The following PNPLA6 variants were observed in gnomAD, a reference collection of about 807,000 sequenced individuals.
The protein encoded by PNPLA6 is patatin like domain 6, lysophospholipase.
A neutral mutation model predicts 153.7 loss-of-function variants in PNPLA6; 105 were observed. The observed-to-expected ratio is 0.68, with a 90% CI of 0.58 to 0.80. The LOEUF (loss-of-function observed/expected upper bound fraction) is 0.80. Ranked by LOEUF, PNPLA6 falls within the 30% of genes least tolerant of loss-of-function variation. The pLI, the probability that PNPLA6 is intolerant of heterozygous loss-of-function variation, is 0.00. For synonymous variants in PNPLA6, 825 were observed against 822.2 expected (o/e 1.00, Z -0.06); for missense variants, 1,423 against 1,919.3 (o/e 0.74, Z 4.83).
In PNPLA6 at chr19:7,554,240, C is replaced by G; in HGVS notation, c.2433C>G (p.Ile811Met). 2 of 1,614,142 alleles carry G rather than the reference C, an allele frequency of 1.2e-6. No homozygotes were observed. Among genetic ancestry groups the G allele is most frequent in the Non-Finnish European group, 1.7e-6 (2 of 1,179,980 alleles). The change falls in exon 20 of 32, where the codon ATC (isoleucine) becomes ATG (methionine). Residue 811 changes from isoleucine to methionine, a missense_variant. Physicochemically the swap from Ile to Met is conservative, Grantham distance 10 (BLOSUM62 1). Around this residue, in one of 10 missense-constraint regions of PNPLA6, gnomAD observed 643 missense variants for 835.2 expected, o/e 0.77. Transcript: ENST00000600737. ...CGCTACTCCTTAACAGTGACATCAT[C>G]CGGGCACGCCTGGGGGCCTCCGCAC... is the stretch of plus-strand genomic sequence containing the variant. ...GPTLLLNSDI[I>M]RARLGASALD...
chr19:7,560,852 C>A, intron 29 of PNPLA6, 88 bp downstream of exon 29: 1 of 924,808 alleles, frequency 1.1e-6, no homozygotes, highest in Non-Finnish European at 1.8e-6. Context: ...CCTCAGATGA[C>A]CCCACATGTC....
At chr19:7,560,382 C>T (rs1035709688) in intron 28 of PNPLA6, among the ~76,000 whole-genome samples, 3 of 152,130 alleles carry the variant, frequency 2.0e-5, no homozygotes, top group African/African-American at 7.2e-5. Flanking sequence ...GCTCACACAT[C>T]ACCACCTTGT....
intron 13 of PNPLA6, among the ~76,000 whole-genome samples, chr19:7,545,153 C>T (rs541971766): frequency 2.0e-5 from 3 of 152,122 alleles, no homozygotes; most frequent in African/African-American, 4.8e-5. Flanking sequence ...CAGCCTCCCT[C>T]GAAGCTGGGA....
chr19:7,541,009 G>C lies in PNPLA6; in HGVS notation c.882G>C (p.Ala294=). The change falls in exon 7 of 32, where the codon GCG becomes GCC. Residue 294 remains alanine, a synonymous_variant. Transcript: ENST00000600737. The surrounding 1 kb of genome is among the most constrained non-coding windows in gnomAD (Gnocchi z 5.2). ...VLRLPVEAFS[A]VFTKYPESLV... ...GCCTGCCGGTGGAAGCATTCTCCGC[G>C]GTCTTCACCAAGTACCCGGAGAGCT... is the stretch of plus-strand genomic sequence containing the variant. The C allele has an allele frequency of 6.2e-7, 1 of 1,611,036 alleles. No homozygotes were observed. Among genetic ancestry groups the C allele is most frequent in the Non-Finnish European group, 8.5e-7 (1 of 1,179,234 alleles).
At position 7,541,475 on chromosome 19, in the gene PNPLA6, C is replaced by T. The variant is rs1178764478; in HGVS notation, c.1005+41C>T. The T allele has an allele frequency of 5.6e-6, 9 of 1,611,692 alleles. No homozygotes were observed. The African/African-American group carries it at 1.1e-4, about 19-fold the overall frequency. The stretch of plus-strand genomic sequence containing the variant: ...GGAGCGAGCACAGGGGGGATGGGGG[C>T]GAGGTCTCCCTCCCAGGACAGGCCA... On this transcript the variant is annotated intron_variant, in intron 8 of 31. Coordinates refer to ENST00000600737, the MANE Select transcript of PNPLA6 (RefSeq NM_001166114.2). The surrounding 1 kb of genome is among the most constrained non-coding windows in gnomAD (Gnocchi z 5.2).
At chr19:7,547,587 C>T (rs1340604593) in intron 13 of PNPLA6, among the ~76,000 whole-genome samples, 1 of 151,314 alleles carries the variant, frequency 6.6e-6, no homozygotes, top group Non-Finnish European at 1.5e-5. Context: ...AGCGATCCTT[C>T]TGCCTTGGCC....
intron 15 of PNPLA6, 35 bp downstream of exon 15, chr19:7,550,464 A>C: frequency 6.2e-7 from 1 of 1,612,302 alleles, no homozygotes; most frequent in Non-Finnish European, 8.5e-7. Context: ...GGCCCGGCCT[A>C]GGGGTGGGGA....
chr19:7,541,215 G>A lies in PNPLA6; in HGVS notation c.925-139G>A. ...GCAGCCGCGGACTCCTCCCTTAGCT[G>A]CCTCGCCCCATTTCCCCAGACTGTG... On this transcript the variant is annotated intron_variant, in intron 7 of 31. Coordinates refer to ENST00000600737, the MANE Select transcript of PNPLA6 (RefSeq NM_001166114.2). This position sits in a 1 kb window ranked among gnomAD's most constrained non-coding sequence, Gnocchi z 5.2. 2 of 1,091,940 alleles carry A rather than the reference G, an allele frequency of 1.8e-6. No individual in the cohort carries two copies. The highest frequency in any genetic ancestry group is 2.7e-6 in the Non-Finnish European group (2 of 736,280). The allele number at this position is 1,091,940 out of a possible 1,614,324, so 67.6% of individuals were successfully genotyped here.
At chr19:7,538,334 C>A (rs1323074066) in intron 3 of PNPLA6, among the ~76,000 whole-genome samples, 1 of 152,064 alleles carries the variant, frequency 6.6e-6, no homozygotes, top group Non-Finnish European at 1.5e-5. Context: ...GCATGCACCA[C>A]CATGCCTGGC....
chr19:7,548,611 G>A (rs1269979740), intron 13 of PNPLA6, among the ~76,000 whole-genome samples: 2 of 151,712 alleles, frequency 1.3e-5, no homozygotes, highest in Non-Finnish European at 2.9e-5. Context: ...AGGGAAAAAC[G>A]GGGAAAATAG....
Position 7,540,239 on chromosome 19 carries a change from G to A in PNPLA6, c.645G>A (p.Arg215=). ...QRLGQGDYVF[R]PGQPDASIYV... ...TGGGCCAGGGTGACTACGTCTTCCG[G>A]CCGGGCCAGCCAGATGCCAGCATCT... Residue 215 remains arginine (R), a synonymous_variant, in exon 5 of 32, where the codon CGG becomes CGA. Coordinates refer to ENST00000600737, the MANE Select transcript of PNPLA6 (RefSeq NM_001166114.2). This position sits in a 1 kb window ranked among gnomAD's most constrained non-coding sequence, Gnocchi z 6.8. The A allele has an allele frequency of 6.2e-7, 1 of 1,609,252 alleles. No homozygotes were observed. The highest frequency in any genetic ancestry group is 8.5e-7 in the Non-Finnish European group (1 of 1,179,982).
rs753983870 is a variant in PNPLA6, at chr19:7,541,026, C to T, written c.899C>T (p.Pro300Leu). 4.3e-6 allele frequency: 7 copies of T among 1,610,500 alleles called. No homozygotes were observed. Among genetic ancestry groups the T allele is most frequent in the Admixed American group, 1.7e-5 (1 of 59,724 alleles). The change falls in exon 7 of 32, where the codon CCG becomes CTG. Residue 300 changes from proline to leucine, a missense_variant. By Grantham distance (98) the Pro-to-Leu change is moderately conservative (BLOSUM62 -3). This residue lies in a region of PNPLA6 where 118 missense variants were observed against 158.8 expected (regional missense o/e 0.74). Transcript: ENST00000600737. The surrounding 1 kb of genome is among the most constrained non-coding windows in gnomAD (Gnocchi z 5.2). ...EAFSAVFTKY[P>L]ESLVRVVQII... ...TTCTCCGCGGTCTTCACCAAGTACC[C>T]GGAGAGCTTGGTGCGGGTCGTGCAG...
rs1325891999 is a variant in PNPLA6 at position 7,555,111 on chromosome 19, T to C, written c.2817+36T>C. On this transcript the variant is annotated intron_variant, in intron 22 of 31. Transcript: ENST00000600737. The surrounding 1 kb of genome is among the most constrained non-coding windows in gnomAD (Gnocchi z 6.3). ...GGCCGGCCCCCACCTTCTAGGGGCG[T>C]GGCTGGTGGGCGAGGCTTGGGAGAC... 6.3e-7 allele frequency: 1 copy of C among 1,581,550 alleles called. No individual in the cohort carries two copies. The highest frequency in any genetic ancestry group is 1.3e-5 in the African/African-American group (1 of 74,662).
At position 7,556,737 on chromosome 19, in the gene PNPLA6, G is replaced by A. The variant is rs750000354; in HGVS notation, c.3280+13G>A. ...GTCCACAAAGATGGTGGGTGTCCCC[G>A]CCCAGCCTGCAGCAACCGCTGACGC... is the stretch of plus-strand genomic sequence containing the variant. On this transcript the variant is annotated intron_variant, in intron 26 of 31. Transcript: ENST00000600737. 4 of 1,598,104 alleles carry A rather than the reference G, an allele frequency of 2.5e-6. No homozygotes were observed. In the South Asian group the frequency reaches 3.3e-5, roughly 13 times the overall value.
At chr19:7,545,660 C>T (rs1440596107) in intron 13 of PNPLA6, among the ~76,000 whole-genome samples, 3 of 151,984 alleles carry the variant, frequency 2.0e-5, no homozygotes, top group Admixed American at 1.3e-4. Flanking sequence ...GCCTGTAATC[C>T]CAGCACCTTG....
intron 3 of PNPLA6, among the ~76,000 whole-genome samples, chr19:7,539,518 G>A (rs1297840793): frequency 6.6e-6 from 1 of 151,382 alleles, no homozygotes; most frequent in Non-Finnish European, 1.5e-5. Context: ...CAGCCTTTGG[G>A]AGGCCGAGTC....
rs148516499 is a variant in PNPLA6 at position 7,556,760 on chromosome 19, C to T, written c.3280+36C>T. 2,009 of 1,490,424 alleles carry T rather than the reference C, an allele frequency of 1.3e-3. 24 individuals are homozygous for T. The African/African-American group carries it at 0.024, about 18-fold the overall frequency. 92.3% of individuals were successfully genotyped at this position (1,490,424 alleles called of 1,614,324 possible). A position where few individuals can be genotyped will look rare whatever the true frequency, so the allele number is the denominator to read the frequency against. ...CCGCCCAGCCTGCAGCAACCGCTGA[C>T]GCCACGTGGGGTTGGGGGGATGCTT... is the stretch of plus-strand genomic sequence containing the variant. On this transcript the variant is annotated intron_variant, in intron 26 of 31. Transcript: ENST00000600737.
rs1244883925 is a variant in PNPLA6, at chr19:7,541,132, GCCC to G, written c.924+82_924+84del. On this transcript the variant is annotated intron_variant, in intron 7 of 31. Transcript: ENST00000600737. The surrounding 1 kb of genome is among the most constrained non-coding windows in gnomAD (Gnocchi z 5.2). The stretch of plus-strand genomic sequence containing the variant: ...CCATTCCAGGCTCCAAGGGACCGAG[GCCC>G]AGCAGCCAGCAGGCGCTGGAGCTGT... 6.7e-7 allele frequency: 1 copy of G among 1,497,732 alleles called. No individual in the cohort carries two copies. The highest frequency in any genetic ancestry group is 9.1e-7 in the Non-Finnish European group (1 of 1,094,782). 92.8% of individuals were successfully genotyped at this position (1,497,732 alleles called of 1,614,324 possible).
chr19:7,560,980 C>T (rs1362892332), intron 29 of PNPLA6, 34 bp from the exon 30 acceptor site: 3 of 1,448,442 alleles, frequency 2.1e-6, no homozygotes, highest in Non-Finnish European at 2.9e-6. Flanking sequence ...CTCTGTGGGC[C>T]CCCCCTAAGA....
Sources: gnomAD v4.1 joint callset for allele counts (sites outside exome capture counted in the v4.1 genomes callset) on GRCh38, gnomAD v4.1.1 for gene constraint, gnomAD v4.1.1 regional missense constraint, Gnocchi (gnomAD v3.1) non-coding constraint, MANE v1.5 for transcripts, NCBI Gene and HGNC (gene_info 2026-07-23, HGNC 2026-07-21) for gene names.